Variants in VPS13B observed in about 807,000 individuals in gnomAD.
VPS13B encodes vacuolar protein sorting 13 homolog B.
A neutral mutation model predicts 426.4 loss-of-function variants in VPS13B; 285 were observed. That is an observed-to-expected ratio of 0.67 (90% CI 0.61 to 0.74). The LOEUF is 0.74. VPS13B is among the 30% of genes least tolerant of loss of function. The pLI, the probability that VPS13B is intolerant of heterozygous loss-of-function variation, is 0.00. For synonymous variants in VPS13B, 1,676 were observed against 1,676.4 expected, an observed-to-expected ratio of 1.00 and a Z score of 0.01; for missense variants, 4,537 against 4,782.6, an observed-to-expected ratio of 0.95 and a Z score of 1.51.
chr8:99,597,729 C>G (rs530601519), intron 33 of VPS13B, among the ~76,000 whole-genome samples: 26 of 152,090 alleles, frequency 1.7e-4, no homozygotes, highest in African/African-American at 6.3e-4. Flanking sequence ...AGCTACTGCA[C>G]CAGCCCTAAC....
chr8:99,357,636 G>GTATACTTCTTGTGGC (rs1456969029), intron 19 of VPS13B, among the ~76,000 whole-genome samples: 1 of 152,020 alleles, frequency 6.6e-6, no homozygotes, highest in Non-Finnish European at 1.5e-5. Flanking sequence ...GTGTTCAGTG[G>GTATACTTCTTGTGGC]TATACTTCTT....
At chr8:99,263,603 C>T (rs571210425) in intron 17 of VPS13B, among the ~76,000 whole-genome samples, 1 of 152,272 alleles carries the variant, frequency 6.6e-6, no homozygotes, top group Non-Finnish European at 1.5e-5. Context: ...CTAAAGCCAG[C>T]AATGTTACAT....
intron 20 of VPS13B, among the ~76,000 whole-genome samples, 163 bp downstream of exon 20, chr8:99,384,480 A>G (rs1190249314): frequency 1.3e-5 from 2 of 152,062 alleles, no homozygotes; most frequent in Non-Finnish European, 2.9e-5. Context: ...TTATTTTTGT[A>G]TGAGAAATTG....
chr8:99,702,207 T>A (rs935022552), intron 36 of VPS13B, among the ~76,000 whole-genome samples: 1 of 152,208 alleles, frequency 6.6e-6, no homozygotes, highest in Admixed American at 6.5e-5. Context: ...AGTTTTCAAG[T>A]AACATTGTTC....
chr8:99,472,986 C>T (rs1301199722), intron 24 of VPS13B, among the ~76,000 whole-genome samples: 1 of 151,966 alleles, frequency 6.6e-6, no homozygotes, highest in African/African-American at 2.4e-5. Context: ...AACCAAATAG[C>T]TCTATATCTT....
chr8:99,859,320 T>A lies in VPS13B; in HGVS notation c.10884T>A (p.Ser3628=). The change falls in exon 57 of 62, where the codon TCT becomes TCA. Residue 3628 remains serine, a synonymous_variant. Transcript: ENST00000357162. ...ALFRAGWVVG[S]LDILGSPASL... ...GCGTTGCAGGCTGGGTAGTTGGGTC[T>A]CTGGATATTCTTGGCAGCCCTGCAA... 1 of 1,613,784 alleles carries A rather than the reference T, an allele frequency of 6.2e-7. No homozygotes were observed. Among genetic ancestry groups the A allele is most frequent in the Non-Finnish European group, 8.5e-7 (1 of 1,179,942 alleles).
intron 3 of VPS13B, among the ~76,000 whole-genome samples, chr8:99,053,731 C>G (rs1310414117): frequency 8.1e-6 from 1 of 122,944 alleles, no homozygotes; most frequent in Non-Finnish European, 1.6e-5. Context: ...GATACAGAAT[C>G]TCACTTGGCC....
At chr8:99,785,428 G>A (rs1295459515) in intron 43 of VPS13B, among the ~76,000 whole-genome samples, 1 of 151,736 alleles carries the variant, frequency 6.6e-6, no homozygotes, top group African/African-American at 2.4e-5. Context: ...CCACACTATT[G>A]GTATACAATT....
intron 2 of VPS13B, among the ~76,000 whole-genome samples, chr8:99,016,287 T>G (rs1747898214): frequency 6.6e-6 from 1 of 152,240 alleles, no homozygotes; most frequent in African/African-American, 2.4e-5. Flanking sequence ...TTTCATTTTA[T>G]ATTGCCAAAT....
intron 4 of VPS13B, among the ~76,000 whole-genome samples, chr8:99,101,008 C>T (rs2132447119): frequency 6.6e-6 from 1 of 151,748 alleles, no homozygotes; most frequent in East Asian, 2.0e-4. Context: ...CATGCCATTG[C>T]ACTCTAGCCT....
At chr8:99,560,542 G>A (rs1284007796) in intron 31 of VPS13B, among the ~76,000 whole-genome samples, 11 of 152,128 alleles carry the variant, frequency 7.2e-5, no homozygotes, top group Non-Finnish European at 1.6e-4. Context: ...TATATAAAAT[G>A]TATTATTGTA....
chr8:99,806,936 T>C (rs752308403), intron 43 of VPS13B, among the ~76,000 whole-genome samples: 38 of 152,192 alleles, frequency 2.5e-4, no homozygotes, highest in Non-Finnish European at 2.9e-4. Flanking sequence ...AAAACTGAAG[T>C]ACTGCTAGGC....
intron 33 of VPS13B, among the ~76,000 whole-genome samples, chr8:99,607,595 T>C (rs1827653249): frequency 6.6e-6 from 1 of 152,208 alleles, no homozygotes; most frequent in Admixed American, 6.5e-5. Flanking sequence ...GCAGGTCATA[T>C]ACAATTTGTA....
At chr8:99,568,872 C>T (rs1588503566) in intron 31 of VPS13B, among the ~76,000 whole-genome samples, 1 of 147,268 alleles carries the variant, frequency 6.8e-6, no homozygotes, top group Admixed American at 6.8e-5. Flanking sequence ...AGTGCAGTGG[C>T]GCAATTTTGG....
intron 8 of VPS13B, among the ~76,000 whole-genome samples, chr8:99,127,023 G>C (rs1194574373): frequency 6.6e-6 from 1 of 151,968 alleles, no homozygotes; most frequent in Admixed American, 6.6e-5. Context: ...TGAGCTGGAG[G>C]GGTGGAGGTT....
intron 19 of VPS13B, among the ~76,000 whole-genome samples, chr8:99,316,690 T>C (rs1327482539): frequency 6.6e-6 from 1 of 152,160 alleles, no homozygotes. Context: ...TTTCTTGTGT[T>C]TTTTCTCACT....
At chr8:99,749,668 A>G (rs2130531604) in intron 39 of VPS13B, among the ~76,000 whole-genome samples, 1 of 152,168 alleles carries the variant, frequency 6.6e-6, no homozygotes, top group South Asian at 2.1e-4. Flanking sequence ...TTGCTTCCAA[A>G]TCTTGGCTAT....
At chr8:99,862,305 C>A (rs758550799) in intron 58 of VPS13B, among the ~76,000 whole-genome samples, 1 of 152,216 alleles carries the variant, frequency 6.6e-6, no homozygotes, top group Non-Finnish European at 1.5e-5. Context: ...AGCACTGGCT[C>A]CCTCACTCCC....
chr8:99,587,542 G>A (rs986067584), intron 33 of VPS13B, among the ~76,000 whole-genome samples: 1 of 151,724 alleles, frequency 6.6e-6, no homozygotes, highest in African/African-American at 2.4e-5. Flanking sequence ...GTATCTCATT[G>A]TGGTTTTGAT....
Sources: allele counts gnomAD v4.1 joint callset (sites outside exome capture counted in the v4.1 genomes callset), GRCh38; gene constraint gnomAD v4.1.1; transcripts MANE v1.5; gene names NCBI Gene and HGNC (gene_info 2026-07-23, HGNC 2026-07-21).